Variants in DMD observed in about 807,000 individuals in gnomAD.
The protein encoded by DMD is dystrophin, also known as mutant dystrophin.
A neutral mutation model predicts 330.1 loss-of-function variants in DMD; 63 were observed. The observed-to-expected ratio is 0.19, with a 90% CI of 0.16 to 0.24. DMD has a LOEUF of 0.24. Ranked by LOEUF, DMD falls within the 10% of genes least tolerant of loss-of-function variation. The probability of loss-of-function intolerance (pLI) is 1.00; values close to 1 mark genes in which losing one functional copy is unlikely to be tolerated. For synonymous variants in DMD, 1,223 were observed against 959.8 expected (o/e 1.27, Z -5.07); for missense variants, 3,344 against 2,684.1 (o/e 1.25, Z -5.43).
At position 32,124,470 on chromosome X, in the gene DMD, G is replaced by A. The variant is rs1035242262; in HGVS notation, c.6438+92446C>T. 3.9e-4 allele frequency among the ~76,000 whole-genome samples: 44 copies of A among 111,990 alleles called. 1 individual carries two copies. The highest frequency in any genetic ancestry group is 1.4e-3 in the African/African-American group (43 of 30,802). On this transcript the variant is annotated intron_variant, in intron 44 of 78. Coordinates refer to ENST00000357033, the MANE Select transcript of DMD (RefSeq NM_004006.3). ...TACTGTTTAAACCTGAGCGAAACTA[G>A]GGTTACGTTTACCTAGGTCCAAAGT...
chrX:31,805,481 T>C (rs2092259063), intron 50 of DMD, among the ~76,000 whole-genome samples: 1 of 112,311 alleles, frequency 8.9e-6, no homozygotes, highest in South Asian at 3.7e-4. Flanking sequence ...CTTCAATATC[T>C]AAATATATGG....
intron 48 of DMD, among the ~76,000 whole-genome samples, chrX:31,858,147 G>A (rs1313385632): frequency 9.0e-6 from 1 of 111,221 alleles, no homozygotes; most frequent in Non-Finnish European, 1.9e-5. Context: ...TTGTTAATTA[G>A]AATCATAATA....
Position 31,875,316 on chromosome X carries a change from C to T in DMD, c.6970G>A (p.Gly2324Arg). ...GEIEAQIKDLGQLEKKLEDLE... is the reference protein window; with the variant it reads ...GEIEAQIKDLRQLEKKLEDLE... ...TCTTCAAGCTTTTTTTCAAGCTGCC[C>T]AAGGTCTTTTATTTGAGCTTCAATT... The change falls in exon 48 of 79, where the codon GGG (glycine) becomes AGG (arginine). Residue 2324 changes from glycine to arginine, a missense_variant. Physicochemically the swap from Gly to Arg is moderately radical, Grantham distance 125. Transcript: ENST00000357033. 8.3e-7 allele frequency: 1 copy of T among 1,204,187 alleles called. No individual in the cohort carries two copies. Among genetic ancestry groups the T allele is most frequent in the Non-Finnish European group, 1.1e-6 (1 of 890,840 alleles).
intron 55 of DMD, among the ~76,000 whole-genome samples, chrX:31,625,899 AAAAATAGACT>A (rs1423015934): frequency 1.8e-5 from 2 of 112,101 alleles, no homozygotes; most frequent in African/African-American, 6.5e-5. Context: ...GTAATCTGCT[AAAAATAGACT>A]AAAATAGACT....
At chrX:31,213,669 T>C (rs2045008147) in intron 64 of DMD, among the ~76,000 whole-genome samples, 1 of 111,869 alleles carries the variant, frequency 8.9e-6, no homozygotes, top group Non-Finnish European at 1.9e-5. Context: ...TGCATCCTTT[T>C]TCTGCAAGGA....
At chrX:32,328,076 A>T (rs1413650589) in intron 41 of DMD, among the ~76,000 whole-genome samples, 1 of 111,878 alleles carries the variant, frequency 8.9e-6, no homozygotes, top group Non-Finnish European at 1.9e-5. Flanking sequence ...TATGTTAATT[A>T]TTAGTCATTA....
At position 32,884,317 on chromosome X, in the gene DMD, G is replaced by A. The variant is rs1424443893; in HGVS notation, c.94-34497C>T. Among the ~76,000 whole-genome samples, 8 of 111,525 alleles carry A rather than the reference G, an allele frequency of 7.2e-5. No individual in the cohort carries two copies. In the Admixed American group the frequency reaches 7.7e-4, roughly 11 times the overall value. ...TTCCAATCAGGTAGGCAGGAAATGA[G>A]GAAAAGCTGTTGAGTGACAGTTAAG... On this transcript the variant is annotated intron_variant, in intron 2 of 78. Transcript: ENST00000357033.
At chrX:31,565,296 T>C (rs1443392532) in intron 55 of DMD, among the ~76,000 whole-genome samples, 1 of 110,896 alleles carries the variant, frequency 9.0e-6, no homozygotes, top group African/African-American at 3.3e-5. Context: ...CTCTCTCTCT[T>C]TCCCCTGTTG....
rs1388727253 is a variant in DMD, at chrX:32,474,807, C to A, written c.2804-2498G>T. ...GATTTTATCCCACTCCATGGGTTGC[C>A]TGTTTGCTGTGCTGATTGTTCCTTT... On this transcript the variant is annotated intron_variant, in intron 21 of 78. Coordinates refer to ENST00000357033, the MANE Select transcript of DMD (RefSeq NM_004006.3). Among the ~76,000 whole-genome samples the A allele has an allele frequency of 2.7e-5, 3 of 111,409 alleles. No homozygotes were observed. In the East Asian group the frequency reaches 8.5e-4, roughly 32 times the overall value.
At chrX:31,299,450 A>C (rs890147007) in intron 62 of DMD, among the ~76,000 whole-genome samples, 2 of 112,051 alleles carry the variant, frequency 1.8e-5, no homozygotes, top group Non-Finnish European at 3.8e-5. Flanking sequence ...TTTCTGAGTA[A>C]GAACTGAAGA....
intron 59 of DMD, among the ~76,000 whole-genome samples, chrX:31,447,316 C>A: frequency 1.5e-5 from 1 of 67,588 alleles, no homozygotes; most frequent in East Asian, 5.3e-4. Flanking sequence ...AGTGGAAGTT[C>A]TCTGAACTAA....
chrX:31,940,636 T>G (rs1242255283), intron 45 of DMD, among the ~76,000 whole-genome samples: 1 of 110,630 alleles, frequency 9.0e-6, no homozygotes, highest in African/African-American at 3.3e-5. Context: ...TTGTAAAGTT[T>G]GCATGAACGG....
intron 9 of DMD, among the ~76,000 whole-genome samples, chrX:32,648,392 G>A (rs1345778780): frequency 8.9e-6 from 1 of 111,773 alleles, no homozygotes; most frequent in Admixed American, 9.5e-5. Flanking sequence ...TTTTCAAATT[G>A]TAAGTCAGAA....
At chrX:33,326,376 T>C (rs1479078177) in intron 1 of DMD, among the ~76,000 whole-genome samples, 1 of 112,138 alleles carries the variant, frequency 8.9e-6, no homozygotes, top group Non-Finnish European at 1.9e-5. Flanking sequence ...GAAGATTCTA[T>C]GCACAGGGGT....
intron 59 of DMD, among the ~76,000 whole-genome samples, chrX:31,471,337 G>A (rs2067284506): frequency 8.9e-6 from 1 of 112,064 alleles, no homozygotes; most frequent in African/African-American, 3.2e-5. Flanking sequence ...GAAAAGCATA[G>A]TGTCTGGGCT....
intron 9 of DMD, among the ~76,000 whole-genome samples, chrX:32,659,886 T>A (rs5972640): frequency 0.1 from 11,341 of 110,191 alleles, 1,353 homozygotes; most frequent in African/African-American, 0.34. Context: ...CAAGGAAAGG[T>A]CTTCAGAGCC....
chrX:32,282,522 A>G (rs753914939), intron 43 of DMD, among the ~76,000 whole-genome samples: 2 of 112,117 alleles, frequency 1.8e-5, no homozygotes, highest in East Asian at 5.6e-4. Context: ...GAACAATCAG[A>G]ATGTCCGTGA....
At chrX:32,027,164 G>GCGCACACACACA (rs1557075784) in intron 44 of DMD, among the ~76,000 whole-genome samples, 160 of 89,506 alleles carry the variant, frequency 1.8e-3, no homozygotes, top group South Asian at 3.2e-3. Flanking sequence ...ACACGCACGT[G>GCGCACACACACA]CACACACACA....
At chrX:31,336,404 G>C (rs2057405818) in intron 61 of DMD, among the ~76,000 whole-genome samples, 1 of 112,135 alleles carries the variant, frequency 8.9e-6, no homozygotes, top group Non-Finnish European at 1.9e-5. Context: ...TGCCCACAGA[G>C]GTGTGATCCC....
Sources: allele counts gnomAD v4.1 joint callset (sites outside exome capture counted in the v4.1 genomes callset), GRCh38; gene constraint gnomAD v4.1.1; transcripts MANE v1.5; gene names NCBI Gene and HGNC (gene_info 2026-07-23, HGNC 2026-07-21).